Variants in CCDC73 observed in about 807,000 individuals in gnomAD.
The protein encoded by CCDC73 is coiled-coil domain containing 73.
CCDC73 carries 95 observed loss-of-function variants against 116.5 expected under a neutral mutation model. The observed-to-expected ratio is 0.82, with a 90% CI of 0.69 to 0.97. The LOEUF (loss-of-function observed/expected upper bound fraction) is 0.97, where lower values mean the gene tolerates loss of function less well. CCDC73 is among the 50% of genes least tolerant of loss of function. The probability of loss-of-function intolerance (pLI) is 0.00; values close to 1 mark genes in which losing one functional copy is unlikely to be tolerated. For missense variants in CCDC73, 1,066 were observed against 1,206.8 expected (o/e 0.88, Z 1.73); for synonymous variants, 398 against 401.3 (o/e 0.99, Z 0.10).
chr11:32,675,770 A>G, intron 8 of CCDC73, 116 bp downstream of exon 8: 1 of 1,192,466 alleles, frequency 8.4e-7, no homozygotes, highest in Non-Finnish European at 1.2e-6. Context: ...GGTAACAGTT[A>G]TTAACTGCCA....
chr11:32,680,360 T>G (rs551939035), intron 7 of CCDC73: 4 of 152,298 alleles, frequency 2.6e-5, no homozygotes, highest in Admixed American at 1.3e-4. Flanking sequence ...TTTTTCTATC[T>G]GCATGAATCG....
intron 1 of CCDC73, among the ~76,000 whole-genome samples, chr11:32,778,429 T>A (rs1850555235): frequency 1.3e-5 from 2 of 152,178 alleles, no homozygotes; most frequent in South Asian, 4.1e-4. Context: ...AAATGCTGAG[T>A]TAAAGAACTA....
chr11:32,654,779 T>A, intron 10 of CCDC73, 65 bp downstream of exon 10: 1 of 1,164,184 alleles, frequency 8.6e-7, no homozygotes, highest in Non-Finnish European at 1.2e-6. Flanking sequence ...GTGTTACAAT[T>A]CTGAAATTCT....
intron 14 of CCDC73, among the ~76,000 whole-genome samples, chr11:32,616,586 T>C (rs936982124): frequency 2.6e-5 from 4 of 152,126 alleles, no homozygotes; most frequent in African/African-American, 4.8e-5. Context: ...GCCCACACTA[T>C]CCTCCTGCCT....
At chr11:32,603,538 C>G (rs886212813) in intron 17 of CCDC73, 10 of 152,094 alleles carry the variant, frequency 6.6e-5, no homozygotes, top group African/African-American at 2.4e-4. Context: ...GCGTTTTTTT[C>G]TATTTTTAGC....
At chr11:32,693,346 G>T (rs1307301500) in intron 6 of CCDC73, among the ~76,000 whole-genome samples, 2 of 152,158 alleles carry the variant, frequency 1.3e-5, no homozygotes, top group Non-Finnish European at 2.9e-5. Context: ...TTTCAACTTG[G>T]GGGGTTGGGA....
chr11:32,809,072 A>G, the CCDC73 span, among the ~76,000 whole-genome samples: 2 of 152,346 alleles, frequency 1.3e-5, no homozygotes, highest in Middle Eastern at 6.8e-3. Flanking sequence ...CCATATTTAC[A>G]AGCTCATTAT....
At chr11:32,758,438 T>G in intron 2 of CCDC73, 1 of 479,196 alleles carries the variant, frequency 2.1e-6, no homozygotes, top group South Asian at 1.5e-5. Flanking sequence ...AAGGAGTTTG[T>G]GCTGTGAGAC....
chr11:32,818,121 T>A, the CCDC73 span, among the ~76,000 whole-genome samples: 4 of 152,252 alleles, frequency 2.6e-5, no homozygotes, highest in Non-Finnish European at 5.9e-5. Context: ...CTTCAAATGC[T>A]CCCTCCTCTG....
chr11:32,696,095 T>C (rs1856308870), intron 6 of CCDC73, among the ~76,000 whole-genome samples: 1 of 152,192 alleles, frequency 6.6e-6, no homozygotes, highest in African/African-American at 2.4e-5. Context: ...TGGACCTTTA[T>C]TTCTTGTTTC....
intron 14 of CCDC73, among the ~76,000 whole-genome samples, chr11:32,627,081 G>T (rs889542335): frequency 1.3e-5 from 2 of 152,052 alleles, no homozygotes; most frequent in Admixed American, 1.3e-4. Context: ...CTGACAAAGG[G>T]CTAATATCCA....
intron 17 of CCDC73, 194 bp from the exon 18 acceptor site, chr11:32,603,214 C>CT: frequency 2.0e-6 from 1 of 495,368 alleles, no homozygotes; most frequent in South Asian, 3.7e-5. Context: ...TTCAAAATCT[C>CT]TAATATATAA....
intron 6 of CCDC73, among the ~76,000 whole-genome samples, chr11:32,689,580 C>A (rs1227304956): frequency 6.6e-6 from 1 of 151,434 alleles, no homozygotes; most frequent in Non-Finnish European, 1.5e-5. Context: ...ATATAAGACA[C>A]TAGAAAAAGG....
intron 2 of CCDC73, among the ~76,000 whole-genome samples, chr11:32,743,745 G>A (rs1314238657): frequency 6.6e-6 from 1 of 152,142 alleles, no homozygotes; most frequent in African/African-American, 2.4e-5. Context: ...TGTGATTTTT[G>A]CACATTGATT....
chr11:32,651,107 C>T (rs1201548942), intron 12 of CCDC73, among the ~76,000 whole-genome samples: 3 of 152,134 alleles, frequency 2.0e-5, no homozygotes, highest in Non-Finnish European at 4.4e-5. Context: ...GTTCCCTGTC[C>T]TGCCAGCTGC....
At chr11:32,629,770 C>CAAAAAAAAA (rs33970031) in intron 14 of CCDC73, among the ~76,000 whole-genome samples, 1 of 121,632 alleles carries the variant, frequency 8.2e-6, no homozygotes, top group Non-Finnish European at 1.7e-5. Flanking sequence ...CAATGCAAGC[C>CAAAAAAAAA]AAAAAAAAAA....
intron 1 of CCDC73, among the ~76,000 whole-genome samples, chr11:32,778,804 G>GA (rs957840162): frequency 2.7e-4 from 39 of 146,502 alleles, no homozygotes; most frequent in East Asian, 6.0e-4. Context: ...CCTCTCAAAA[G>GA]AAAAAAAAAA....
chr11:32,754,878 C>CA (rs1330391640), intron 2 of CCDC73, among the ~76,000 whole-genome samples: 3 of 86,562 alleles, frequency 3.5e-5, no homozygotes, highest in African/African-American at 1.2e-4. Context: ...ATGGCTTCAA[C>CA]TTTTTTTTTT....
At chr11:32,689,912 A>G (rs914130604) in intron 6 of CCDC73, among the ~76,000 whole-genome samples, 3 of 152,008 alleles carry the variant, frequency 2.0e-5, no homozygotes, top group Admixed American at 1.3e-4. Flanking sequence ...GGAGAATGGC[A>G]TGAACCCGGG....
Sources: gnomAD v4.1 joint callset for allele counts (sites outside exome capture counted in the v4.1 genomes callset) on GRCh38, gnomAD v4.1.1 for gene constraint, MANE v1.5 for transcripts, NCBI Gene and HGNC (gene_info 2026-07-23, HGNC 2026-07-21) for gene names.